RRBP1: variants seen among roughly 807,000 people sequenced by gnomAD.
RRBP1 encodes ribosome binding protein 1, also known as ribosome-binding protein 1.
A neutral mutation model predicts 165.2 loss-of-function variants in RRBP1; 94 were observed. That is an observed-to-expected ratio of 0.57 (90% CI 0.48 to 0.68). The LOEUF (loss-of-function observed/expected upper bound fraction) is 0.68. Among genes scored for constraint, RRBP1 ranks in the 30% least tolerant of loss-of-function variants. RRBP1 has a pLI of 0.00. For synonymous variants in RRBP1, 680 were observed against 714.5 expected (o/e 0.95, Z 0.77); for missense variants, 1,676 against 1,763.0 (o/e 0.95, Z 0.88).
In RRBP1 at chr20:17,681,274, C is replaced by A. The variant is rs1316546203; in HGVS notation, c.-99+754G>T. Among the ~76,000 whole-genome samples, 3 of 148,652 alleles carry A rather than the reference C, an allele frequency of 2.0e-5. No homozygotes were observed. The East Asian group carries it at 5.9e-4, about 29-fold the overall frequency. On this transcript the variant is annotated intron_variant, in intron 1 of 24. Coordinates refer to ENST00000377813, the MANE Select transcript of RRBP1 (RefSeq NM_001365613.2). The stretch of plus-strand genomic sequence containing the variant: ...TCGAGCCAGGCTCCGCGCAGCCCAG[C>A]CGGGGAAACGGTGGCCCCGGCCCCG...
chr20:17,641,517 G>C, intron 5 of RRBP1: 1 of 512,768 alleles, frequency 2.0e-6, no homozygotes, highest in East Asian at 3.6e-5. Flanking sequence ...ATCACAAACT[G>C]ATGCTGCTTA....
At chr20:17,626,612 G>GAGGC (rs537894824) in intron 11 of RRBP1, among the ~76,000 whole-genome samples, 7 of 152,166 alleles carry the variant, frequency 4.6e-5, no homozygotes, top group Non-Finnish European at 1.0e-4. Context: ...CACCCTCCAT[G>GAGGC]CCTCCCCCAC....
intron 3 of RRBP1, among the ~76,000 whole-genome samples, chr20:17,656,277 G>A (rs1431383437): frequency 6.6e-6 from 1 of 152,214 alleles, no homozygotes; most frequent in Non-Finnish European, 1.5e-5. Flanking sequence ...GTGTGGCCCT[G>A]TCTCTGCCTC....
chr20:17,626,506 C>CA (rs984628496), intron 11 of RRBP1, among the ~76,000 whole-genome samples: 6 of 152,340 alleles, frequency 3.9e-5, no homozygotes, highest in African/African-American at 1.4e-4. Context: ...GAGAGGCACA[C>CA]AGGGAGGTGC....
chr20:17,647,312 A>G (rs1460088360), intron 3 of RRBP1, among the ~76,000 whole-genome samples: 1 of 152,276 alleles, frequency 6.6e-6, no homozygotes, highest in Non-Finnish European at 1.5e-5. Flanking sequence ...TGTGGCAGCA[A>G]TGCCGAGAAA....
At chr20:17,664,562 G>A (rs1256499183) in intron 2 of RRBP1, among the ~76,000 whole-genome samples, 3 of 152,240 alleles carry the variant, frequency 2.0e-5, no homozygotes, top group Admixed American at 6.5e-5. Context: ...CTAAGATCTT[G>A]AGAGAATGGC....
At chr20:17,648,579 C>T (rs2036505082) in intron 3 of RRBP1, among the ~76,000 whole-genome samples, 2 of 152,354 alleles carry the variant, frequency 1.3e-5, no homozygotes, top group South Asian at 2.1e-4. Flanking sequence ...CAAGAACAAC[C>T]CAATTCAGGG....
At chr20:17,669,486 G>A (rs1022296508) in intron 2 of RRBP1, among the ~76,000 whole-genome samples, 7 of 152,206 alleles carry the variant, frequency 4.6e-5, no homozygotes, top group Admixed American at 3.3e-4. Flanking sequence ...CCCAAAAGCA[G>A]GGGTCAGTGT....
At chr20:17,638,567 A>G (rs1023025686) in intron 5 of RRBP1, among the ~76,000 whole-genome samples, 1 of 152,186 alleles carries the variant, frequency 6.6e-6, no homozygotes, top group Non-Finnish European at 1.5e-5. Flanking sequence ...AAGAGCAGAG[A>G]AAAGTCACTT....
intron 12 of RRBP1, 50 bp downstream of exon 12, chr20:17,625,462 A>G (rs765748612): frequency 2.0e-6 from 3 of 1,535,832 alleles, no homozygotes; most frequent in Non-Finnish European, 2.7e-6. Flanking sequence ...TCCCGGCCCC[A>G]CCTGTGCTTC....
chr20:17,681,316 G>A (rs1462510148), intron 1 of RRBP1, among the ~76,000 whole-genome samples: 1 of 145,710 alleles, frequency 6.9e-6, no homozygotes, highest in Non-Finnish European at 1.5e-5. Context: ...GGGGGAGCAG[G>A]GAGCCGCCTC....
At chr20:17,681,573 C>T (rs1419053226) in intron 1 of RRBP1, among the ~76,000 whole-genome samples, 15 of 146,796 alleles carry the variant, frequency 1.0e-4, no homozygotes, top group East Asian at 4.1e-4. Flanking sequence ...GGCCCGGACT[C>T]CAGCCCGGCA....
chr20:17,620,184 T>C, intron 18 of RRBP1, 115 bp downstream of exon 18: 1 of 778,918 alleles, frequency 1.3e-6, no homozygotes, highest in South Asian at 1.6e-5. Context: ...AGAGAATGCC[T>C]CTCTTAAGGC....
rs953283031 is a variant in RRBP1, at chr20:17,627,444, T to C, written c.2928+60A>G. On this transcript the variant is annotated intron_variant, in intron 10 of 24. Transcript: ENST00000377813. ...GACTCATCTCACGCAGCGGGGCTAG[T>C]CCACCCACCTGCTAGATGGAGTTCC... The C allele has an allele frequency of 9.9e-6, 16 of 1,609,962 alleles. No homozygotes were observed. In the African/African-American group the frequency reaches 1.7e-4, roughly 17 times the overall value.
rs1419566126 is a variant in RRBP1, at chr20:17,621,680, C to T, written c.3324+10G>A. 3 of 1,612,732 alleles carry T rather than the reference C, an allele frequency of 1.9e-6. No homozygotes were observed. The highest frequency in any genetic ancestry group is 1.6e-4 in the Middle Eastern group (1 of 6,080). The stretch of plus-strand genomic sequence containing the variant: ...CCAACAGAGGAGCCTTGCCAGGCAG[C>T]CACACTTACCGAGGAGGGCTCCGCG... On this transcript the variant is annotated intron_variant, in intron 15 of 24. Transcript: ENST00000377813.
intron 21 of RRBP1, among the ~76,000 whole-genome samples, chr20:17,616,520 A>T (rs911346): frequency 1.3e-5 from 2 of 152,110 alleles, no homozygotes; most frequent in African/African-American, 4.8e-5. Flanking sequence ...ACCTCCCCCC[A>T]ACTCCTCCAG....
At chr20:17,637,554 G>A (rs1238813746) in intron 5 of RRBP1, among the ~76,000 whole-genome samples, 2 of 152,198 alleles carry the variant, frequency 1.3e-5, no homozygotes, top group African/African-American at 4.8e-5. Context: ...GGGCACAAGC[G>A]TCCCACCAGC....
intron 3 of RRBP1, among the ~76,000 whole-genome samples, chr20:17,656,924 C>T (rs2036655058): frequency 6.6e-6 from 1 of 152,182 alleles, no homozygotes; most frequent in African/African-American, 2.4e-5. Context: ...TCACAGAGGT[C>T]ACACGTAGGT....
rs2036550945 is a variant in RRBP1, at chr20:17,651,247, C to T, written c.1912+7349G>A. Among the ~76,000 whole-genome samples the T allele has an allele frequency of 2.0e-5, 3 of 152,210 alleles. No homozygotes were observed. In the South Asian group the frequency reaches 6.2e-4, roughly 32 times the overall value. On this transcript the variant is annotated intron_variant, in intron 3 of 24. Transcript: ENST00000377813. ...CATTCCCAGAGTAGCACAGCAGCACCGTGTGAGGAGTGCTGAGTCAGAAAA... is the reference window on the plus strand; with the variant it reads ...CATTCCCAGAGTAGCACAGCAGCACTGTGTGAGGAGTGCTGAGTCAGAAAA...
Sources: allele counts gnomAD v4.1 joint callset (sites outside exome capture counted in the v4.1 genomes callset), GRCh38; gene constraint gnomAD v4.1.1; transcripts MANE v1.5; gene names NCBI Gene and HGNC (gene_info 2026-07-23, HGNC 2026-07-21).